Variants in ANKLE2 observed in about 807,000 individuals in gnomAD.
ANKLE2 encodes ankyrin repeat and LEM domain-containing protein 2.
Under a neutral mutation model 84.2 loss-of-function variants are expected in ANKLE2, and 55 were observed. The ratio of observed to expected loss-of-function variants is 0.65; its 90% CI spans 0.53 to 0.82. The LOEUF is 0.82. Ranked by LOEUF, ANKLE2 falls within the 40% of genes least tolerant of loss-of-function variation. The pLI is 0.00. For missense variants in ANKLE2, 1,238 were observed against 1,201.9 expected (o/e 1.03, Z -0.44); for synonymous variants, 551 against 486.1 (o/e 1.13, Z -1.76).
At chr12:132,734,784 C>T (rs2043973787) in intron 9 of ANKLE2, 1 of 552,522 alleles carries the variant, frequency 1.8e-6, no homozygotes, top group Non-Finnish European at 3.1e-6. Context: ...CCCGGCACAG[C>T]TCTCAGGAGC....
intron 2 of ANKLE2, among the ~76,000 whole-genome samples, chr12:132,752,021 G>A (rs549603491): frequency 2.6e-5 from 4 of 152,164 alleles, no homozygotes; most frequent in East Asian, 1.9e-4. Flanking sequence ...TGTAACAGAC[G>A]AATGGTTACT....
intron 11 of ANKLE2, among the ~76,000 whole-genome samples, chr12:132,729,356 A>AAGGAG (rs926646388): frequency 4.5e-5 from 2 of 44,438 alleles, no homozygotes. Flanking sequence ...ATCTGAAAGA[A>AAGGAG]AGGAGAGGAG....
chr12:132,734,879 A>G, intron 9 of ANKLE2: 1 of 374,958 alleles, frequency 2.7e-6, no homozygotes, highest in Non-Finnish European at 4.8e-6. Flanking sequence ...CAACTCCCAC[A>G]GACGGACGTG....
chr12:132,740,984 G>C (rs1287100853), intron 7 of ANKLE2, among the ~76,000 whole-genome samples: 1 of 152,116 alleles, frequency 6.6e-6, no homozygotes, highest in Non-Finnish European at 1.5e-5. Context: ...CCCCAACACA[G>C]GCAAAGAGAC....
In ANKLE2 at chr12:132,736,876, C is replaced by T; in HGVS notation, c.1593+17G>A. ...GACAGCCAGGCACCACTTCCAGAAG[C>T]TTCTACAGCAGCTCACCTTGGCTGG... On this transcript the variant is annotated intron_variant, in intron 8 of 12. Coordinates refer to ENST00000357997, the MANE Select transcript of ANKLE2 (RefSeq NM_015114.3). The T allele has an allele frequency of 6.3e-7, 1 of 1,590,126 alleles. No individual in the cohort carries two copies. The highest frequency in any genetic ancestry group is 8.6e-7 in the Non-Finnish European group (1 of 1,164,656).
chr12:132,749,800 C>T (rs2136164636), intron 3 of ANKLE2, among the ~76,000 whole-genome samples: 1 of 152,316 alleles, frequency 6.6e-6, no homozygotes, highest in East Asian at 1.9e-4. Flanking sequence ...CTGGACCGCT[C>T]CTACAGATAA....
chr12:132,736,970 C>T lies in ANKLE2; in HGVS notation c.1516G>A (p.Val506Ile), dbSNP rs201450043. 793 of 1,613,868 alleles carry T rather than the reference C, an allele frequency of 4.9e-4. 1 individual carries two copies. The highest frequency in any genetic ancestry group is 1.2e-3 in the South Asian group (113 of 91,072). ...SPDQTAEASHVSRYGGSPRDP... is the reference protein window; with the variant it reads ...SPDQTAEASHISRYGGSPRDP... ...CTGGGGCTGCCTCCATAGCGGCTGA[C>T]GTGAGAGGCCTCAGCCGTCTGGTCT... The change falls in exon 8 of 13, where the codon GTC becomes ATC. Residue 506 changes from valine (V) to isoleucine (I), a missense_variant. Physicochemically the swap from Val to Ile is conservative, Grantham distance 29 (BLOSUM62 3). This residue lies in a region of ANKLE2 where 802 missense variants were observed against 774.5 expected (regional missense o/e 1.04). Coordinates refer to ENST00000357997, the MANE Select transcript of ANKLE2 (RefSeq NM_015114.3).
intron 2 of ANKLE2, among the ~76,000 whole-genome samples, chr12:132,753,192 C>T (rs2044396996): frequency 6.6e-6 from 1 of 152,034 alleles, no homozygotes; most frequent in Non-Finnish European, 1.5e-5. Flanking sequence ...TGCCCGTGAT[C>T]CCAGCGATCC....
At chr12:132,746,946 C>G (rs989457279) in intron 5 of ANKLE2, among the ~76,000 whole-genome samples, 3 of 152,154 alleles carry the variant, frequency 2.0e-5, no homozygotes, top group Non-Finnish European at 4.4e-5. Context: ...TTTGGGCTCC[C>G]AGGGGTGGGA....
intron 5 of ANKLE2, among the ~76,000 whole-genome samples, chr12:132,746,185 A>G (rs1008469735): frequency 5.3e-5 from 8 of 152,046 alleles, no homozygotes; most frequent in Non-Finnish European, 1.0e-4. Context: ...CATCTCTACT[A>G]AAAATACAAA....
chr12:132,727,935 G>A, intron 12 of ANKLE2, 97 bp downstream of exon 12: 2 of 1,492,480 alleles, frequency 1.3e-6, no homozygotes, highest in Non-Finnish European at 1.8e-6. Context: ...CCAGCGTTGG[G>A]AAAAGCCACT....
chr12:132,726,875 T>C lies in ANKLE2; in HGVS notation c.*367A>G. On this transcript the variant is annotated 3_prime_UTR_variant, in exon 13 of 13. Coordinates refer to ENST00000357997, the MANE Select transcript of ANKLE2 (RefSeq NM_015114.3). ...CACGCCTCCGCCAAGCCCCTCCTCATCCACAGCGTCTGTCGGATGAGGTGA... is the reference window on the plus strand; with the variant it reads ...CACGCCTCCGCCAAGCCCCTCCTCACCCACAGCGTCTGTCGGATGAGGTGA... The C allele has an allele frequency of 5.1e-6, 1 of 195,800 alleles. No homozygotes were observed. Among genetic ancestry groups the C allele is most frequent in the Non-Finnish European group, 1.0e-5 (1 of 96,536 alleles). The allele number at this position is 195,800 out of a possible 1,614,324, so 12.1% of individuals were successfully genotyped here. A position where few individuals can be genotyped will look rare whatever the true frequency, so the allele number is the denominator to read the frequency against.
At chr12:132,737,109 C>T (rs2044028531) in intron 7 of ANKLE2, 44 bp from the exon 8 acceptor site, 8 of 1,545,574 alleles carry the variant, frequency 5.2e-6, no homozygotes, top group African/African-American at 1.4e-5. Flanking sequence ...CCGCCCCCTC[C>T]GCAGGTCAGG....
intron 9 of ANKLE2, 155 bp from the exon 10 acceptor site, chr12:132,734,730 G>A (rs561836928): frequency 2.7e-5 from 20 of 743,642 alleles, no homozygotes; most frequent in East Asian, 2.3e-4. Flanking sequence ...GAAATCATAC[G>A]GTGCATTTTC....
chr12:132,734,795 C>T (rs774841377), intron 9 of ANKLE2: 5 of 523,416 alleles, frequency 9.6e-6, no homozygotes, highest in East Asian at 3.5e-5. Flanking sequence ...TCTCAGGAGC[C>T]GTGAACCGGC....
At chr12:132,734,240 G>C (rs116764965) in intron 10 of ANKLE2, 145 bp downstream of exon 10, 2 of 886,780 alleles carry the variant, frequency 2.3e-6, no homozygotes, top group Admixed American at 2.8e-5. Flanking sequence ...GAGAGGTTCC[G>C]TCTCAAAAAA....
At chr12:132,733,828 G>C (rs2043948159) in intron 10 of ANKLE2, among the ~76,000 whole-genome samples, 1 of 152,040 alleles carries the variant, frequency 6.6e-6, no homozygotes, top group Non-Finnish European at 1.5e-5. Context: ...TAAAATATCA[G>C]GCTCAGCCAA....
chr12:132,759,482 G>C (rs1324498829), intron 1 of ANKLE2: 1 of 127,164 alleles, frequency 7.9e-6, no homozygotes, highest in South Asian at 2.1e-4. Flanking sequence ...TGCAATGCAC[G>C]AGGCCCAGTT....
At position 132,754,704 on chromosome 12, in the gene ANKLE2, G is replaced by A; in HGVS notation, c.611C>T (p.Pro204Leu). 6.2e-7 allele frequency: 1 copy of A among 1,613,198 alleles called. No individual in the cohort carries two copies. Among genetic ancestry groups the A allele is most frequent in the Non-Finnish European group, 8.5e-7 (1 of 1,179,554 alleles). The change falls in exon 2 of 13, where the codon CCA becomes CTA. Residue 204 changes from proline (P) to leucine (L), a missense_variant. Around this residue, in one of 3 missense-constraint regions of ANKLE2, gnomAD observed 422 missense variants for 394.5 expected, o/e 1.07. Transcript: ENST00000357997. ...KEPPLYYGVC[P>L]VYEDVPARNE... Reference sequence around the variant, plus strand: ...TCTCGCTGGGACGTCCTCATACACTGGACACACCCCATAGTACAGGGGCGG... The same window carrying A: ...TCTCGCTGGGACGTCCTCATACACTAGACACACCCCATAGTACAGGGGCGG...
Sources: gnomAD v4.1 joint callset for allele counts (sites outside exome capture counted in the v4.1 genomes callset) on GRCh38, gnomAD v4.1.1 for gene constraint, gnomAD v4.1.1 regional missense constraint, MANE v1.5 for transcripts, NCBI Gene and HGNC (gene_info 2026-07-23, HGNC 2026-07-21) for gene names.